The following ZNF717 variants were observed in gnomAD, a reference collection of about 807,000 sequenced individuals.
The protein encoded by ZNF717 is krueppel-like factor X17.
Under a neutral mutation model 13.8 loss-of-function variants are expected in ZNF717, and 9 were observed. That is an observed-to-expected ratio of 0.65 (90% CI 0.39 to 1.14). The LOEUF (loss-of-function observed/expected upper bound fraction) is 1.14. Ranked by LOEUF, ZNF717 falls within the 50% of genes most tolerant of loss-of-function variation. The probability of loss-of-function intolerance (pLI) is 0.01; values close to 1 mark genes in which losing one functional copy is unlikely to be tolerated. For missense variants in ZNF717, 1,040 were observed against 1,080.7 expected (o/e 0.96, Z 0.53); for synonymous variants, 327 against 364.1 (o/e 0.90, Z 1.16).
intron 4 of ZNF717, among the ~76,000 whole-genome samples, chr3:75,718,563 T>A (rs1398751502): frequency 2.6e-5 from 4 of 152,186 alleles, no homozygotes; most frequent in Admixed American, 1.3e-4. Context: ...GTTACATCAG[T>A]GGTCCCCAGC....
chr3:75,717,340 T>C (rs1318222566), intron 4 of ZNF717, among the ~76,000 whole-genome samples: 1 of 152,166 alleles, frequency 6.6e-6, no homozygotes, highest in African/African-American at 2.4e-5. Context: ...ATTCAAGAAA[T>C]CTCTGTGAGC....
chr3:75,723,703 G>C (rs79754245), intron 4 of ZNF717, among the ~76,000 whole-genome samples: 4 of 152,046 alleles, frequency 2.6e-5, no homozygotes, highest in African/African-American at 9.7e-5. Context: ...AGGGCTCCCT[G>C]GTCTAGCGGT....
At chr3:75,771,529 G>A (rs181662921) in intron 2 of ZNF717, among the ~76,000 whole-genome samples, 153 of 152,360 alleles carry the variant, frequency 1.0e-3, no homozygotes, top group Middle Eastern at 3.4e-3. Context: ...AGTGTGGTGA[G>A]CAGGGTTGCT....
At chr3:75,729,615 CAA>C (rs369485280), downstream of ZNF717, among the ~76,000 whole-genome samples, 24,533 of 114,888 alleles carry the variant, frequency 0.21, 932 homozygotes, top group Non-Finnish European at 0.25. Context: ...AACTCCATAT[CAA>C]AAAAAAAAAA....
chr3:75,747,481 C>G (rs1443108199), intron 2 of ZNF717, among the ~76,000 whole-genome samples: 3 of 152,108 alleles, frequency 2.0e-5, no homozygotes, highest in South Asian at 2.1e-4. Flanking sequence ...ATTGATTCTT[C>G]CTATCCATGA....
At chr3:75,778,675 A>C (rs1371543970) in intron 2 of ZNF717, among the ~76,000 whole-genome samples, 1 of 144,116 alleles carries the variant, frequency 6.9e-6, no homozygotes, top group African/African-American at 2.6e-5. Flanking sequence ...GCTAAACCAA[A>C]AACCCAAAAC....
chr3:75,777,984 A>T (rs1297821065), intron 2 of ZNF717, among the ~76,000 whole-genome samples: 2 of 151,712 alleles, frequency 1.3e-5, no homozygotes, highest in Non-Finnish European at 2.9e-5. Context: ...AACCAAAAAA[A>T]ATGGGAGTGA....
intron 2 of ZNF717, among the ~76,000 whole-genome samples, chr3:75,776,379 A>G (rs1944322381): frequency 1.3e-5 from 2 of 152,270 alleles, no homozygotes; most frequent in East Asian, 1.9e-4. Flanking sequence ...TAAACATTTT[A>G]TAAAGGGATT....
chr3:75,774,588 T>C (rs1465974745), intron 2 of ZNF717, among the ~76,000 whole-genome samples: 1 of 151,300 alleles, frequency 6.6e-6, no homozygotes, highest in South Asian at 2.1e-4. Flanking sequence ...TAAAATTGTA[T>C]AGAATTTCTA....
At chr3:75,709,124 G>A (rs2106831584), downstream of ZNF717, among the ~76,000 whole-genome samples, 1 of 151,630 alleles carries the variant, frequency 6.6e-6, no homozygotes, top group South Asian at 2.1e-4. Flanking sequence ...TCAGCCTCCT[G>A]AGTAGCTGGA....
intron 6 of ZNF717, among the ~76,000 whole-genome samples, chr3:75,699,686 A>G (rs1937647401): frequency 6.6e-6 from 1 of 152,312 alleles, no homozygotes; most frequent in South Asian, 2.1e-4. Flanking sequence ...CCATGAGCCA[A>G]TTAAACCTAT....
At chr3:75,777,189 T>C (rs1052161549) in intron 2 of ZNF717, among the ~76,000 whole-genome samples, 1 of 142,156 alleles carries the variant, frequency 7.0e-6, no homozygotes, top group Non-Finnish European at 1.5e-5. Context: ...ATGAGTGACA[T>C]GCTAAACCGG....
downstream of ZNF717, among the ~76,000 whole-genome samples, chr3:75,731,464 G>C (rs1938544437): frequency 6.6e-6 from 1 of 152,012 alleles, no homozygotes; most frequent in Non-Finnish European, 1.5e-5. Flanking sequence ...GGAGGTTGAG[G>C]CAGGGAGAAT....
chr3:75,748,134 C>G (rs2107322727), intron 2 of ZNF717, among the ~76,000 whole-genome samples: 1 of 152,304 alleles, frequency 6.6e-6, no homozygotes, highest in East Asian at 1.9e-4. Flanking sequence ...CCTTCCAAGA[C>G]TAAACCAGGA....
chr3:75,734,876 G>A (rs1938972217), downstream of ZNF717, among the ~76,000 whole-genome samples: 1 of 141,560 alleles, frequency 7.1e-6, no homozygotes, highest in Non-Finnish European at 1.5e-5. Flanking sequence ...AGGCTGGAGT[G>A]CAGTGGTGCA....
chr3:75,707,940 A>G (rs1427743919), downstream of ZNF717, among the ~76,000 whole-genome samples: 1 of 152,278 alleles, frequency 6.6e-6, no homozygotes, highest in Non-Finnish European at 1.5e-5. Flanking sequence ...TTAGGTAAAC[A>G]AAGCAGCCGG....
chr3:75,713,139 T>C (rs1227662285), intron 5 of ZNF717, among the ~76,000 whole-genome samples: 7 of 152,042 alleles, frequency 4.6e-5, no homozygotes, highest in African/African-American at 1.7e-4. Flanking sequence ...ATTATCCATA[T>C]TAATTAAAAT....
At chr3:75,763,613 G>A (rs896216527) in intron 2 of ZNF717, among the ~76,000 whole-genome samples, 2 of 152,320 alleles carry the variant, frequency 1.3e-5, no homozygotes, top group African/African-American at 2.4e-5. Flanking sequence ...TTCCAATTAG[G>A]GCAGAGTAAG....
downstream of ZNF717, among the ~76,000 whole-genome samples, chr3:75,704,740 G>A (rs1937767770): frequency 6.6e-6 from 1 of 152,312 alleles, no homozygotes; most frequent in African/African-American, 2.4e-5. Context: ...CAGTTTTGTA[G>A]TAGCCTGGAG....
Sources: allele counts gnomAD v4.1 joint callset (sites outside exome capture counted in the v4.1 genomes callset), GRCh38; gene constraint gnomAD v4.1.1; transcripts MANE v1.5; gene names NCBI Gene and HGNC (gene_info 2026-07-23, HGNC 2026-07-21).